The following VPS8 variants were observed in gnomAD, a reference collection of about 807,000 sequenced individuals.
The protein encoded by VPS8 is vacuolar protein sorting-associated protein 8 homolog.
A neutral mutation model predicts 216.4 loss-of-function variants in VPS8; 129 were observed. That is an observed-to-expected ratio of 0.60 (90% confidence interval 0.52 to 0.69). The LOEUF (loss-of-function observed/expected upper bound fraction) is 0.69. Among genes scored for constraint, VPS8 ranks in the 30% least tolerant of loss-of-function variants. VPS8 has a pLI of 0.00. For synonymous variants in VPS8, 571 were observed against 565.4 expected (o/e 1.01, Z -0.14); for missense variants, 1,531 against 1,683.5 (o/e 0.91, Z 1.59).
At chr3:184,944,719 A>G (rs1472480559) in intron 36 of VPS8, 1 of 348,436 alleles carries the variant, frequency 2.9e-6, no homozygotes, top group East Asian at 1.7e-4. Flanking sequence ...AAAAAAACAC[A>G]TACGTCACAT....
chr3:185,003,886 G>A (rs1311290690), intron 45 of VPS8, among the ~76,000 whole-genome samples: 6 of 151,890 alleles, frequency 4.0e-5, no homozygotes, highest in African/African-American at 1.2e-4. Flanking sequence ...AGATGGGGTC[G>A]CGGCCAGGCA....
At chr3:184,876,163 A>G (rs749129797) in intron 21 of VPS8, among the ~76,000 whole-genome samples, 1 of 152,018 alleles carries the variant, frequency 6.6e-6, no homozygotes, top group Admixed American at 6.6e-5. Context: ...CCCTGATATC[A>G]TGCATTCCAG....
intron 46 of VPS8, among the ~76,000 whole-genome samples, chr3:185,034,047 C>T (rs1758535431): frequency 6.6e-6 from 1 of 152,066 alleles, no homozygotes; most frequent in Non-Finnish European, 1.5e-5. Flanking sequence ...GCATAGTACC[C>T]CCCACCCTCT....
chr3:184,905,618 CTT>C lies in VPS8; in HGVS notation c.2146+4663_2146+4664del, dbSNP rs59430187. Among the ~76,000 whole-genome samples the C allele has an allele frequency of 6.8e-3, 856 of 125,602 alleles. 4 individuals are homozygous for C. The highest frequency in any genetic ancestry group is 0.037 in the South Asian group (145 of 3,914). The allele number at this position is 125,602 out of a possible 152,430, so 82.4% of individuals were successfully genotyped here. On this transcript the variant is annotated intron_variant, in intron 25 of 47. Coordinates refer to ENST00000625842, the MANE Select transcript of VPS8 (RefSeq NM_001009921.3). ...AAGCTCTTTAGGTAGAAGCTCAGCTCTTTTTTTTTTTTTTTTTTGACAGAACA... is the reference window on the plus strand; with the variant it reads ...AAGCTCTTTAGGTAGAAGCTCAGCTCTTTTTTTTTTTTTTTTGACAGAACA...
chr3:184,986,042 T>C (rs922048210), intron 42 of VPS8, among the ~76,000 whole-genome samples: 1 of 152,206 alleles, frequency 6.6e-6, no homozygotes, highest in East Asian at 1.9e-4. Flanking sequence ...ATCTTTACAA[T>C]AATTAACTTT....
rs372661150 is a variant in VPS8 at position 184,859,963 on chromosome 3, G to A, written c.1144-22G>A. ...CCCTCAAACAGTAGCTGGTTTTTAG[G>A]TTGTTTTTATTTCATCATCAGGTAA... On this transcript the variant is annotated intron_variant, in intron 14 of 47. Transcript: ENST00000625842. 1.2e-5 allele frequency: 19 copies of A among 1,596,028 alleles called. No individual in the cohort carries two copies. The African/African-American group carries it at 2.5e-4, about 21-fold the overall frequency.
intron 39 of VPS8, among the ~76,000 whole-genome samples, chr3:184,970,616 C>CA (rs1407391252): frequency 6.6e-6 from 1 of 152,144 alleles, no homozygotes; most frequent in African/African-American, 2.4e-5. Flanking sequence ...AAGAATAGGG[C>CA]AACACCAGAG....
chr3:184,886,608 C>T (rs1731316609), intron 22 of VPS8, among the ~76,000 whole-genome samples: 1 of 150,816 alleles, frequency 6.6e-6, no homozygotes. Context: ...GAGACGGAAT[C>T]TCGCCCTGTC....
chr3:184,945,001 T>C (rs1743426816), intron 36 of VPS8, among the ~76,000 whole-genome samples: 1 of 152,120 alleles, frequency 6.6e-6, no homozygotes, highest in South Asian at 2.1e-4. Context: ...CCTACTTCAA[T>C]GAGTGCCTAC....
At chr3:184,947,573 C>A (rs1743931639) in intron 36 of VPS8, among the ~76,000 whole-genome samples, 1 of 150,240 alleles carries the variant, frequency 6.7e-6, no homozygotes, top group Admixed American at 6.6e-5. Flanking sequence ...AAATCAAAAT[C>A]AACTCTATGA....
intron 19 of VPS8, among the ~76,000 whole-genome samples, chr3:184,869,239 G>A (rs576885970): frequency 7.2e-5 from 11 of 152,086 alleles, no homozygotes; most frequent in South Asian, 6.2e-4. Context: ...TTAAAATGTC[G>A]CTTTTAAAAT....
chr3:184,859,833 A>G (rs867857152), intron 14 of VPS8, among the ~76,000 whole-genome samples, 152 bp from the exon 15 acceptor site: 5 of 152,160 alleles, frequency 3.3e-5, no homozygotes, highest in Non-Finnish European at 5.9e-5. Context: ...TTCTATTTTC[A>G]TAATCATTTG....
chr3:185,034,121 C>T (rs1211152644), intron 46 of VPS8, among the ~76,000 whole-genome samples: 3 of 152,174 alleles, frequency 2.0e-5, no homozygotes, highest in Non-Finnish European at 2.9e-5. Flanking sequence ...TTAGCTCTCA[C>T]TTATAAGTGA....
chr3:184,935,701 A>G (rs1481571189), intron 34 of VPS8, among the ~76,000 whole-genome samples: 1 of 152,224 alleles, frequency 6.6e-6, no homozygotes, highest in Non-Finnish European at 1.5e-5. Context: ...AAAGTCTTAT[A>G]TTTGACAAAT....
chr3:184,897,680 C>T (rs1733762076), intron 23 of VPS8, among the ~76,000 whole-genome samples: 1 of 152,078 alleles, frequency 6.6e-6, no homozygotes, highest in Non-Finnish European at 1.5e-5. Context: ...GAAAGACTCT[C>T]CCAGCACATC....
At chr3:184,855,924 A>G (rs1321173830) in intron 14 of VPS8, 106 bp downstream of exon 14, 4 of 839,980 alleles carry the variant, frequency 4.8e-6, no homozygotes, top group Non-Finnish European at 7.3e-6. Context: ...GTCTTTGGAG[A>G]GAGAGTGACC....
chr3:184,989,035 T>C (rs1379446632), intron 42 of VPS8, among the ~76,000 whole-genome samples: 2 of 152,244 alleles, frequency 1.3e-5, no homozygotes, highest in African/African-American at 4.8e-5. Flanking sequence ...CAGGGTTTTT[T>C]AGACAATCAT....
intron 36 of VPS8, among the ~76,000 whole-genome samples, chr3:184,942,627 A>G (rs1203473273): frequency 6.6e-6 from 1 of 152,092 alleles, no homozygotes; most frequent in Non-Finnish European, 1.5e-5. Flanking sequence ...CTGCCTCCAA[A>G]GTATCAAAGA....
Position 184,914,884 on chromosome 3 carries a change from T to C in VPS8, c.2190-97T>C. 2.5e-6 allele frequency: 3 copies of C among 1,216,002 alleles called. 1 individual carries two copies. The South Asian group carries it at 3.7e-5, about 15-fold the overall frequency. The allele number at this position is 1,216,002 out of a possible 1,614,324, so 75.3% of individuals were successfully genotyped here. A position where few individuals can be genotyped will look rare whatever the true frequency, so the allele number is the denominator to read the frequency against. On this transcript the variant is annotated intron_variant, in intron 26 of 47. Transcript: ENST00000625842. ...GACAAAAGCTGAGCCTACTTACAAA[T>C]TGAACTAGTATCTCAAGTTTGAGAA...
Sources: gnomAD v4.1 joint callset for allele counts (sites outside exome capture counted in the v4.1 genomes callset) on GRCh38, gnomAD v4.1.1 for gene constraint, MANE v1.5 for transcripts, NCBI Gene and HGNC (gene_info 2026-07-23, HGNC 2026-07-21) for gene names.